RFK: variants seen among roughly 807,000 people sequenced by gnomAD.
RFK encodes the protein 0610038L10Rik.
A neutral mutation model predicts 17.6 loss-of-function variants in RFK; 4 were observed. That is an observed-to-expected ratio of 0.23 (90% CI 0.11 to 0.52). The LOEUF (loss-of-function observed/expected upper bound fraction) is 0.52, where lower values mean the gene tolerates loss of function less well. Ranked by LOEUF, RFK falls within the 20% of genes least tolerant of loss-of-function variation. The probability of loss-of-function intolerance (pLI) is 0.96; values close to 1 mark genes in which losing one functional copy is unlikely to be tolerated. For synonymous variants in RFK, 59 were observed against 63.8 expected (o/e 0.92, Z 0.36); for missense variants, 189 against 187.7 (o/e 1.01, Z -0.04).
Position 76,387,544 on chromosome 9 carries a change from T to C in RFK, c.338-15A>G, listed in dbSNP as rs1822755194. ...AATAAGTGACTCTGCAGAGAGAATA[T>C]ACCAGGTAAAAATGATGAAAAACCA... On this transcript the variant is annotated splice_polypyrimidine_tract_variant and intron_variant, in intron 3 of 3. Coordinates refer to ENST00000376736, the MANE Select transcript of RFK (RefSeq NM_018339.6). 6.3e-7 allele frequency: 1 copy of C among 1,595,174 alleles called. No homozygotes were observed. Among genetic ancestry groups the C allele is most frequent in the East Asian group, 2.2e-5 (1 of 44,736 alleles).
chr9:76,389,550 A>G (rs10429486), intron 2 of RFK, among the ~76,000 whole-genome samples: 4,124 of 152,290 alleles, frequency 0.027, 200 homozygotes, highest in African/African-American at 0.093. Flanking sequence ...ACTTGAGGTC[A>G]AGAGTTCAAG....
chr9:76,392,609 C>G (rs748043965), intron 1 of RFK, 40 bp from the exon 2 acceptor site: 1 of 1,605,972 alleles, frequency 6.2e-7, no homozygotes, highest in South Asian at 1.1e-5. Flanking sequence ...TTACAAATTT[C>G]GTATTAAATG....
intron 3 of RFK, chr9:76,388,035 T>C (rs1366671556): frequency 9.6e-6 from 3 of 312,982 alleles, no homozygotes; most frequent in Non-Finnish European, 1.9e-5. Context: ...CCTAATCTTA[T>C]ATTTTAAGAG....
chr9:76,394,269 G>A lies in RFK; in HGVS notation c.-98C>T. The A allele has an allele frequency of 1.6e-6, 2 of 1,276,266 alleles. No homozygotes were observed. Among genetic ancestry groups the A allele is most frequent in the Non-Finnish European group, 2.1e-6 (2 of 933,274 alleles). The allele number at this position is 1,276,266 out of a possible 1,614,324, so 79.1% of individuals were successfully genotyped here. A position where few individuals can be genotyped will look rare whatever the true frequency, so the allele number is the denominator to read the frequency against. On this transcript the variant is annotated 5_prime_UTR_variant, in exon 1 of 4. Coordinates refer to ENST00000376736, the MANE Select transcript of RFK (RefSeq NM_018339.6). Reference sequence around the variant, plus strand: ...CAGACCCCGGACCAGCCGGGGGACAGGAGCGTGAGCTCTGCCTGCCGCGGG... The same window carrying A: ...CAGACCCCGGACCAGCCGGGGGACAAGAGCGTGAGCTCTGCCTGCCGCGGG...
chr9:76,386,502 T>C lies in RFK; in HGVS notation c.*897A>G, dbSNP rs535545350. ...CCTAAGGATGAAGTCTGTTGTTTTG[T>C]TTTTCCTAAAAAAGGAAAAAAGAAC... On this transcript the variant is annotated 3_prime_UTR_variant, in exon 4 of 4. Transcript: ENST00000376736. 1.3e-5 allele frequency: 2 copies of C among 152,234 alleles called. No individual in the cohort carries two copies. Among genetic ancestry groups the C allele is most frequent in the East Asian group, 3.9e-4 (2 of 5,180 alleles). The allele number at this position is 152,234 out of a possible 1,614,324, so 9.4% of individuals were successfully genotyped here.
chr9:76,391,327 G>A (rs917102246), intron 2 of RFK, among the ~76,000 whole-genome samples: 1 of 152,204 alleles, frequency 6.6e-6, no homozygotes, highest in Non-Finnish European at 1.5e-5. Context: ...CATTTGAGCT[G>A]ACAAAAGATT....
intron 2 of RFK, among the ~76,000 whole-genome samples, chr9:76,391,434 A>G (rs1484522752): frequency 6.6e-6 from 1 of 152,206 alleles, no homozygotes; most frequent in Non-Finnish European, 1.5e-5. Context: ...GGAAAGAGAA[A>G]AGCACCAATG....
chr9:76,391,681 A>C (rs1309017332), intron 2 of RFK, among the ~76,000 whole-genome samples: 1 of 152,104 alleles, frequency 6.6e-6, no homozygotes, highest in African/African-American at 2.4e-5. Context: ...TTGTAACTCC[A>C]CTCTTTATTT....
At chr9:76,391,138 T>C (rs35800025) in intron 2 of RFK, among the ~76,000 whole-genome samples, 4,733 of 152,344 alleles carry the variant, frequency 0.031, 97 homozygotes, top group Non-Finnish European at 0.048. Flanking sequence ...AAAAATAATT[T>C]TCAAATCATT....
At chr9:76,393,427 G>A (rs939888576) in intron 1 of RFK, among the ~76,000 whole-genome samples, 1 of 151,932 alleles carries the variant, frequency 6.6e-6, no homozygotes, top group Non-Finnish European at 1.5e-5. Context: ...GGCTGATCTC[G>A]AACTCCTGAG....
Position 76,385,537 on chromosome 9 carries a change from C to T in RFK, c.*1862G>A, listed in dbSNP as rs1822718037. 1 of 152,114 alleles carries T rather than the reference C, an allele frequency of 6.6e-6. No individual in the cohort carries two copies. Among genetic ancestry groups the T allele is most frequent in the Non-Finnish European group, 1.5e-5 (1 of 68,026 alleles). 9.4% of individuals were successfully genotyped at this position (152,114 alleles called of 1,614,324 possible). A position where few individuals can be genotyped will look rare whatever the true frequency, so the allele number is the denominator to read the frequency against. On this transcript the variant is annotated 3_prime_UTR_variant, in exon 4 of 4. Coordinates refer to ENST00000376736, the MANE Select transcript of RFK (RefSeq NM_018339.6). ...AGGGAAAGAAAAAATATCACTTAGT[C>T]AAAATTTATTTCAAGGCCTGAAAAC... is the stretch of plus-strand genomic sequence containing the variant.
In RFK at chr9:76,389,872, G is replaced by A. The variant is rs569671029; in HGVS notation, c.235-1216C>T. Among the ~76,000 whole-genome samples the A allele has an allele frequency of 2.0e-4, 31 of 152,262 alleles. No homozygotes were observed. The East Asian group carries it at 2.5e-3, about 12-fold the overall frequency. The stretch of plus-strand genomic sequence containing the variant: ...TGGCAAACTTCCCAAAGTAATCTAC[G>A]AATTCAATGCTGCCCCAATCAAAAT... On this transcript the variant is annotated intron_variant, in intron 2 of 3. Coordinates refer to ENST00000376736, the MANE Select transcript of RFK (RefSeq NM_018339.6).
Position 76,392,521 on chromosome 9 carries a change from G to C in RFK, c.131C>G (p.Thr44Ser), listed in dbSNP as rs772792336. 6.2e-7 allele frequency: 1 copy of C among 1,614,142 alleles called. No individual in the cohort carries two copies. The change falls in exon 2 of 4, where the codon ACT becomes AGT. Residue 44 changes from threonine (T) to serine (S), a missense_variant. Physicochemically the swap from Thr to Ser is moderately conservative, Grantham distance 58 (BLOSUM62 1). This residue lies in a region of RFK where 90 missense variants were observed against 75.4 expected (regional missense o/e 1.19). Coordinates refer to ENST00000376736, the MANE Select transcript of RFK (RefSeq NM_018339.6). ...ACTGGCCCAACCATAGTAAATACCA[G>C]TGGATATATCAGCTGGAAGATTATC... ...VVDNLPADIS[T>S]GIYYGWASVG...
intron 1 of RFK, chr9:76,393,818 C>T: frequency 2.0e-6 from 1 of 493,120 alleles, no homozygotes; most frequent in South Asian, 2.9e-5. Flanking sequence ...GCCAAGGAGG[C>T]GTGAACGGGG....
chr9:76,387,316 A>G lies in RFK; in HGVS notation c.*83T>C. 1 of 1,285,150 alleles carries G rather than the reference A, an allele frequency of 7.8e-7. No individual in the cohort carries two copies. The allele number at this position is 1,285,150 out of a possible 1,614,324, so 79.6% of individuals were successfully genotyped here. On this transcript the variant is annotated 3_prime_UTR_variant, in exon 4 of 4. Coordinates refer to ENST00000376736, the MANE Select transcript of RFK (RefSeq NM_018339.6). ...AACTGTAGTAAAGTGTTTGATTTTC[A>G]GTATATAACCAAGATGATGCTGAAC...
chr9:76,387,332 G>T lies in RFK; in HGVS notation c.*67C>A. ...TTGATTTTCAGTATATAACCAAGAT[G>T]ATGCTGAACAGTAATAAACACAGAA... On this transcript the variant is annotated 3_prime_UTR_variant, in exon 4 of 4. Coordinates refer to ENST00000376736, the MANE Select transcript of RFK (RefSeq NM_018339.6). 1 of 1,421,720 alleles carries T rather than the reference G, an allele frequency of 7.0e-7. No homozygotes were observed. The highest frequency in any genetic ancestry group is 9.7e-7 in the Non-Finnish European group (1 of 1,034,510). The allele number at this position is 1,421,720 out of a possible 1,614,324, so 88.1% of individuals were successfully genotyped here. A position where few individuals can be genotyped will look rare whatever the true frequency, so the allele number is the denominator to read the frequency against.
chr9:76,387,235 A>C lies in RFK; in HGVS notation c.*164T>G, dbSNP rs1822746999. 3 of 609,064 alleles carry C rather than the reference A, an allele frequency of 4.9e-6. No individual in the cohort carries two copies. The highest frequency in any genetic ancestry group is 8.5e-6 in the Non-Finnish European group (3 of 354,130). The allele number at this position is 609,064 out of a possible 1,614,324, so 37.7% of individuals were successfully genotyped here. On this transcript the variant is annotated 3_prime_UTR_variant, in exon 4 of 4. Coordinates refer to ENST00000376736, the MANE Select transcript of RFK (RefSeq NM_018339.6). ...TTAGTGCTATGATATGATGGGCTTA[A>C]TTTAATAGTTGAAGCATGATATGAT...
At chr9:76,392,971 C>T (rs1410232613) in intron 1 of RFK, among the ~76,000 whole-genome samples, 1 of 152,338 alleles carries the variant, frequency 6.6e-6, no homozygotes. Context: ...ATTACATTCA[C>T]AAGACTCCTA....
intron 2 of RFK, among the ~76,000 whole-genome samples, chr9:76,391,932 T>C (rs1359829089): frequency 8.7e-6 from 1 of 115,172 alleles, no homozygotes; most frequent in Non-Finnish European, 1.9e-5. Flanking sequence ...TGAGACCCCA[T>C]CTTTAAAAAA....
Sources: gnomAD v4.1 joint callset for allele counts (sites outside exome capture counted in the v4.1 genomes callset) on GRCh38, gnomAD v4.1.1 for gene constraint, gnomAD v4.1.1 regional missense constraint, MANE v1.5 for transcripts, NCBI Gene and HGNC (gene_info 2026-07-23, HGNC 2026-07-21) for gene names.